Variants in SBF2 observed in about 807,000 individuals in gnomAD.
SBF2 encodes the protein myotubularin-related protein 13.
Under a neutral mutation model 225.2 loss-of-function variants are expected in SBF2, and 112 were observed. The ratio of observed to expected loss-of-function variants is 0.50; its 90% CI spans 0.43 to 0.58. The LOEUF (loss-of-function observed/expected upper bound fraction) is 0.58, where lower values mean the gene tolerates loss of function less well. Among genes scored for constraint, SBF2 ranks in the 20% least tolerant of loss-of-function variants. The pLI is 0.00. For missense variants in SBF2, 1,996 were observed against 2,206.2 expected (o/e 0.90, Z 1.91); for synonymous variants, 763 against 773.3 (o/e 0.99, Z 0.22).
chr11:10,285,633 T>C (rs890526478), intron 1 of SBF2, among the ~76,000 whole-genome samples: 10 of 152,214 alleles, frequency 6.6e-5, no homozygotes, highest in Admixed American at 3.9e-4. Context: ...AGGCATACAC[T>C]GCATAACCAA....
intron 2 of SBF2, among the ~76,000 whole-genome samples, chr11:10,085,357 T>C (rs889527588): frequency 2.0e-4 from 31 of 152,228 alleles, no homozygotes; most frequent in African/African-American, 7.0e-4. Context: ...TGTTTTTTTC[T>C]GACCCCGTAT....
chr11:10,256,508 G>A (rs538372383), intron 1 of SBF2, among the ~76,000 whole-genome samples: 3 of 152,302 alleles, frequency 2.0e-5, no homozygotes, highest in African/African-American at 7.2e-5. Context: ...TTGTGGCAAA[G>A]AAGAATGGCT....
chr11:9,881,907 G>A (rs964349938), intron 17 of SBF2, among the ~76,000 whole-genome samples: 3 of 152,192 alleles, frequency 2.0e-5, no homozygotes, highest in African/African-American at 7.2e-5. Flanking sequence ...AGGATCCCTT[G>A]AGACCAGGAG....
At chr11:10,028,812 A>G (rs1264782289) in intron 5 of SBF2, among the ~76,000 whole-genome samples, 2 of 152,180 alleles carry the variant, frequency 1.3e-5, no homozygotes, top group Non-Finnish European at 2.9e-5. Context: ...ATAACTGGCT[A>G]AAAAATAATG....
At chr11:10,182,138 T>G (rs1189172709) in intron 2 of SBF2, among the ~76,000 whole-genome samples, 2 of 152,128 alleles carry the variant, frequency 1.3e-5, no homozygotes, top group Non-Finnish European at 2.9e-5. Flanking sequence ...TTATTCAAAG[T>G]CAAGCAAAAA....
chr11:10,187,307 CCTCTCTCT>C (rs148358560), intron 2 of SBF2, among the ~76,000 whole-genome samples: 1 of 149,600 alleles, frequency 6.7e-6, no homozygotes, highest in East Asian at 2.0e-4. Flanking sequence ...CTTTTTCTCT[CCTCTCTCT>C]CTCTCTCTCC....
In SBF2 at chr11:10,028,471, A is replaced by G. The variant is rs770433606; in HGVS notation, c.600T>C (p.Ala200=). The G allele has an allele frequency of 5.6e-6, 9 of 1,610,994 alleles. No homozygotes were observed. The highest frequency in any genetic ancestry group is 7.6e-6 in the Non-Finnish European group (9 of 1,177,224). ...ACATACCCAATTGCTGGAACAGGAG[A>G]GCCACACTAGTGCCCGTGATAGGAA... The part of the protein sequence containing the change: ...DSLPITGTSV[A]LLFQQLGIQN... Residue 200 remains alanine (A), a synonymous_variant, in exon 6 of 40, where the codon GCT becomes GCC. Coordinates refer to ENST00000256190, the MANE Select transcript of SBF2 (RefSeq NM_030962.4).
chr11:10,238,018 T>G (rs1191938091), intron 1 of SBF2, among the ~76,000 whole-genome samples: 1 of 152,210 alleles, frequency 6.6e-6, no homozygotes, highest in African/African-American at 2.4e-5. Context: ...AGTCTATGTA[T>G]GGGCATAAGG....
At chr11:9,928,890 A>T in intron 16 of SBF2, 1 of 367,424 alleles carries the variant, frequency 2.7e-6, no homozygotes. Context: ...CATGTTTTAG[A>T]CTATGAAAAT....
intron 2 of SBF2, among the ~76,000 whole-genome samples, chr11:10,158,178 C>G (rs764651275): frequency 3.9e-5 from 6 of 151,978 alleles, no homozygotes; most frequent in Admixed American, 6.6e-5. Flanking sequence ...TTATGGGATG[C>G]AGCAAAAGCA....
At chr11:9,918,287 C>A (rs1863281286) in intron 16 of SBF2, among the ~76,000 whole-genome samples, 1 of 152,156 alleles carries the variant, frequency 6.6e-6, no homozygotes, top group South Asian at 2.1e-4. Context: ...GATTGCTTCT[C>A]TGTTTTCCCC....
At position 9,876,794 on chromosome 11, in the gene SBF2, C is replaced by T. The variant is rs539761380; in HGVS notation, c.1930-18398G>A. Among the ~76,000 whole-genome samples the T allele has an allele frequency of 1.1e-3, 173 of 152,234 alleles. 1 individual carries two copies. The highest frequency in any genetic ancestry group is 1.9e-3 in the Non-Finnish European group (131 of 68,014). ...TTGCTCTGTTACCCAGGCTAGAGTGCAGTGGGGCAATCTCGGCTCACTGCA... is the reference window on the plus strand; with the variant it reads ...TTGCTCTGTTACCCAGGCTAGAGTGTAGTGGGGCAATCTCGGCTCACTGCA... On this transcript the variant is annotated intron_variant, in intron 17 of 39. Transcript: ENST00000256190.
chr11:10,070,826 T>G (rs12417726), intron 2 of SBF2, among the ~76,000 whole-genome samples: 31,488 of 152,098 alleles, frequency 0.21, 4,041 homozygotes, highest in Non-Finnish European at 0.3. Flanking sequence ...TGTGTCCTCT[T>G]TTATTTCGTT....
chr11:10,076,551 T>C (rs1379409770), intron 2 of SBF2, among the ~76,000 whole-genome samples: 1 of 152,186 alleles, frequency 6.6e-6, no homozygotes. Context: ...GCCATGTTTT[T>C]GTCTCAGGGA....
chr11:10,061,436 G>C (rs1031911136), intron 2 of SBF2, among the ~76,000 whole-genome samples: 3 of 152,138 alleles, frequency 2.0e-5, no homozygotes, highest in Non-Finnish European at 4.4e-5. Flanking sequence ...TCTATATCTA[G>C]AAAACCCCAG....
intron 1 of SBF2, among the ~76,000 whole-genome samples, chr11:10,267,048 C>T (rs1268153756): frequency 2.0e-5 from 3 of 152,226 alleles, no homozygotes; most frequent in Middle Eastern, 3.4e-3. Flanking sequence ...GGGCCGAGAT[C>T]GTGCCACTGC....
In SBF2 at chr11:10,271,048, C is replaced by T. The variant is rs1217511532; in HGVS notation, c.55+22967G>A. ...TAGTAAAATTAATTATACATATATA[C>T]GTATATGGATGCACACAAAAATCTC... On this transcript the variant is annotated intron_variant, in intron 1 of 39. Coordinates refer to ENST00000256190, the MANE Select transcript of SBF2 (RefSeq NM_030962.4). Among the ~76,000 whole-genome samples the T allele has an allele frequency of 3.4e-5, 5 of 145,068 alleles. No individual in the cohort carries two copies. The South Asian group carries it at 1.1e-3, about 32-fold the overall frequency.
In SBF2 at chr11:10,046,380, G is replaced by A. The variant is rs910030279; in HGVS notation, c.142-3399C>T. ...CATAAACATAAAAGCAAAAATATTAGCAAGTTGAATTCAACAATGAATAAA... is the reference window on the plus strand; with the variant it reads ...CATAAACATAAAAGCAAAAATATTAACAAGTTGAATTCAACAATGAATAAA... On this transcript the variant is annotated intron_variant, in intron 2 of 39. Transcript: ENST00000256190. 2.0e-5 allele frequency among the ~76,000 whole-genome samples: 3 copies of A among 152,114 alleles called. No individual in the cohort carries two copies. In the East Asian group the frequency reaches 5.8e-4, roughly 29 times the overall value.
chr11:10,116,786 G>A (rs1953164633), intron 2 of SBF2, among the ~76,000 whole-genome samples: 1 of 152,030 alleles, frequency 6.6e-6, no homozygotes, highest in African/African-American at 2.4e-5. Flanking sequence ...TTACTAGCAG[G>A]AAAAACCCTG....
Sources: allele counts gnomAD v4.1 joint callset (sites outside exome capture counted in the v4.1 genomes callset), GRCh38; gene constraint gnomAD v4.1.1; transcripts MANE v1.5; gene names NCBI Gene and HGNC (gene_info 2026-07-23, HGNC 2026-07-21).